Variants in KCNH7 observed in about 807,000 individuals in gnomAD.
KCNH7 encodes voltage-gated inwardly rectifying potassium channel KCNH7.
KCNH7 carries 49 observed loss-of-function variants against 120.8 expected under a neutral mutation model. The observed-to-expected ratio is 0.41, with a 90% CI of 0.32 to 0.51. The LOEUF (loss-of-function observed/expected upper bound fraction) is 0.51, where lower values mean the gene tolerates loss of function less well. Ranked by LOEUF, KCNH7 falls within the 20% of genes least tolerant of loss-of-function variation. KCNH7 has a pLI of 0.38. For missense variants in KCNH7, 1,097 were observed against 1,446.6 expected, an observed-to-expected ratio of 0.76 and a Z score of 3.92; for synonymous variants, 547 against 516.1, an observed-to-expected ratio of 1.06 and a Z score of -0.81.
intron 9 of KCNH7, among the ~76,000 whole-genome samples, chr2:162,411,406 T>C (rs1168422374): frequency 6.6e-6 from 1 of 151,974 alleles, no homozygotes; most frequent in African/African-American, 2.4e-5. Flanking sequence ...CAGCTAGACA[T>C]TGAATACACA....
At chr2:162,721,010 G>A (rs943495581) in intron 2 of KCNH7, among the ~76,000 whole-genome samples, 5 of 152,054 alleles carry the variant, frequency 3.3e-5, no homozygotes, top group East Asian at 1.9e-4. Flanking sequence ...TGCGGTGCTT[G>A]CAGATTTCTG....
At chr2:162,425,862 C>A (rs1482912146) in intron 8 of KCNH7, among the ~76,000 whole-genome samples, 1 of 151,978 alleles carries the variant, frequency 6.6e-6, no homozygotes, top group Non-Finnish European at 1.5e-5. Context: ...AAGCATTTCC[C>A]ACTTGCTGTC....
chr2:162,435,495 T>C lies in KCNH7; in HGVS notation c.1657A>G (p.Met553Val), dbSNP rs746459506. 1.2e-6 allele frequency: 2 copies of C among 1,613,730 alleles called. No individual in the cohort carries two copies. The highest frequency in any genetic ancestry group is 1.1e-5 in the South Asian group (1 of 91,070). ...AGGGCAAAGATGCACATTAAGAGCA[T>C]TAGAACAGCAGCGCCATATTCTGAA... Reference protein sequence around the residue: ...RYSEYGAAVLMLLMCIFALIA... With the variant: ...RYSEYGAAVLVLLMCIFALIA... The change falls in exon 8 of 16, where the codon ATG (methionine) becomes GTG (valine). Residue 553 changes from methionine (M) to valine (V), a missense_variant. This residue lies in a region of KCNH7 where 109 missense variants were observed against 196.8 expected (regional missense o/e 0.55). Coordinates refer to ENST00000332142, the MANE Select transcript of KCNH7 (RefSeq NM_033272.4).
chr2:162,437,450 T>C (rs1400929224), intron 7 of KCNH7, among the ~76,000 whole-genome samples: 1 of 152,158 alleles, frequency 6.6e-6, no homozygotes, highest in Non-Finnish European at 1.5e-5. Flanking sequence ...GGTTTTAAAT[T>C]ATTATTGGCT....
intron 9 of KCNH7, among the ~76,000 whole-genome samples, chr2:162,414,135 G>A (rs1302756354): frequency 1.3e-5 from 2 of 151,868 alleles, no homozygotes; most frequent in African/African-American, 4.8e-5. Flanking sequence ...GCTAGTAAAG[G>A]GAAGGGGGAA....
chr2:162,517,087 TA>T (rs1469285295), intron 4 of KCNH7, among the ~76,000 whole-genome samples: 3 of 151,792 alleles, frequency 2.0e-5, no homozygotes, highest in Non-Finnish European at 4.4e-5. Flanking sequence ...CTGCTTTTTT[TA>T]AGGATCCTTA....
Position 162,379,846 on chromosome 2 carries a change from C to T in KCNH7, c.3131+7G>A, listed in dbSNP as rs1686348023. On this transcript the variant is annotated splice_region_variant and intron_variant, in intron 14 of 15. Transcript: ENST00000332142. ...TATGTTCTCCTTTTGCCCATCACTG[C>T]TTATACCTGTTAAGTTGCTCCTGGA... 1 of 1,613,502 alleles carries T rather than the reference C, an allele frequency of 6.2e-7. No homozygotes were observed. The highest frequency in any genetic ancestry group is 8.5e-7 in the Non-Finnish European group (1 of 1,179,704).
chr2:162,422,132 AT>A (rs1558936553), intron 9 of KCNH7, among the ~76,000 whole-genome samples: 1 of 152,184 alleles, frequency 6.6e-6, no homozygotes, highest in African/African-American at 2.4e-5. Context: ...AAAAGTGTTC[AT>A]TTGATTAGCT....
intron 2 of KCNH7, among the ~76,000 whole-genome samples, chr2:162,654,112 C>A (rs1684661674): frequency 2.0e-5 from 3 of 149,472 alleles, no homozygotes; most frequent in African/African-American, 2.5e-5. Flanking sequence ...TTGAAATGAC[C>A]CTAAAAACAC....
chr2:162,695,931 AG>A (rs1686271876), intron 2 of KCNH7, among the ~76,000 whole-genome samples: 1 of 152,218 alleles, frequency 6.6e-6, no homozygotes, highest in Admixed American at 6.5e-5. Context: ...ACAACAAAAA[AG>A]AAGCTGCATG....
In KCNH7 at chr2:162,483,681, A is replaced by C. The variant is rs184579224; in HGVS notation, c.1128+20762T>G. Among the ~76,000 whole-genome samples the C allele has an allele frequency of 3.3e-5, 5 of 152,198 alleles. No individual in the cohort carries two copies. In the East Asian group the frequency reaches 5.8e-4, roughly 18 times the overall value. ...AGAACAAATGAGTAATAACCCTCTA[A>C]ATTTTCATTACTGTGTTAAAAAATT... On this transcript the variant is annotated intron_variant, in intron 6 of 15. Coordinates refer to ENST00000332142, the MANE Select transcript of KCNH7 (RefSeq NM_033272.4).
chr2:162,675,045 G>A (rs958124839), intron 2 of KCNH7, among the ~76,000 whole-genome samples: 9 of 151,292 alleles, frequency 5.9e-5, no homozygotes, highest in Non-Finnish European at 1.2e-4. Context: ...GGTATTTATA[G>A]CAAATAACTA....
intron 10 of KCNH7, among the ~76,000 whole-genome samples, chr2:162,397,601 G>A (rs1388922373): frequency 1.3e-5 from 2 of 151,632 alleles, no homozygotes; most frequent in Non-Finnish European, 2.9e-5. Context: ...TCAGTGTCTC[G>A]CTTCTAACAG....
intron 2 of KCNH7, among the ~76,000 whole-genome samples, chr2:162,556,200 C>G (rs1237332804): frequency 6.6e-6 from 1 of 152,086 alleles, no homozygotes; most frequent in Non-Finnish European, 1.5e-5. Context: ...ACACACACAT[C>G]AAACTGTTAT....
intron 2 of KCNH7, among the ~76,000 whole-genome samples, chr2:162,756,162 A>G (rs558243324): frequency 2.2e-4 from 33 of 152,302 alleles, no homozygotes; most frequent in Non-Finnish European, 3.8e-4. Flanking sequence ...CAAGAGACTG[A>G]TATAATTGTA....
chr2:162,584,545 A>G (rs1419069202), intron 2 of KCNH7, among the ~76,000 whole-genome samples: 6 of 152,108 alleles, frequency 3.9e-5, no homozygotes, highest in African/African-American at 1.4e-4. Flanking sequence ...AAAACAGGGA[A>G]CATTGACGGT....
intron 5 of KCNH7, among the ~76,000 whole-genome samples, chr2:162,510,082 A>G (rs867623816): frequency 7.3e-5 from 11 of 151,654 alleles, no homozygotes; most frequent in Middle Eastern, 3.2e-3. Context: ...CCTCTCACAT[A>G]TTAGAGAAGT....
intron 2 of KCNH7, among the ~76,000 whole-genome samples, chr2:162,732,187 C>A (rs954702837): frequency 5.9e-5 from 9 of 152,022 alleles, no homozygotes; most frequent in African/African-American, 2.2e-4. Flanking sequence ...AAGAGGATGG[C>A]AATACTCTTC....
intron 2 of KCNH7, among the ~76,000 whole-genome samples, chr2:162,733,090 G>A (rs186055458): frequency 3.3e-5 from 5 of 152,198 alleles, no homozygotes; most frequent in Admixed American, 2.0e-4. Flanking sequence ...AGAGCTCTGG[G>A]GCCAGGACTT....
Sources: gnomAD v4.1 joint callset for allele counts (sites outside exome capture counted in the v4.1 genomes callset) on GRCh38, gnomAD v4.1.1 for gene constraint, gnomAD v4.1.1 regional missense constraint, MANE v1.5 for transcripts, NCBI Gene and HGNC (gene_info 2026-07-23, HGNC 2026-07-21) for gene names.